The following PAG1 variants were observed in gnomAD, a reference collection of about 807,000 sequenced individuals.
The protein encoded by PAG1 is phosphoprotein membrane anchor with glycosphingolipid microdomains 1, also known as phosphoprotein associated with glycosphingolipid-enriched microdomains 1.
In PAG1, 23 loss-of-function variants were observed where a neutral mutation model predicts 31.7. The ratio of observed to expected loss-of-function variants is 0.73; its 90% CI spans 0.52 to 1.03. The LOEUF is 1.03. Ranked by LOEUF, PAG1 falls within the 50% of genes least tolerant of loss-of-function variation. The pLI, the probability that PAG1 is intolerant of heterozygous loss-of-function variation, is 0.00. For synonymous variants in PAG1, 214 were observed against 210.3 expected (o/e 1.02, Z -0.15); for missense variants, 473 against 540.7 (o/e 0.87, Z 1.24).
intron 2 of PAG1, chr8:81,067,556 G>A (rs1809027790): frequency 6.6e-6 from 1 of 152,212 alleles, no homozygotes; most frequent in African/African-American, 2.4e-5. Flanking sequence ...AAAAAATAAA[G>A]CTAACAGCTT....
At chr8:80,987,907 G>A (rs1807459446) in intron 5 of PAG1, among the ~76,000 whole-genome samples, 1 of 152,158 alleles carries the variant, frequency 6.6e-6, no homozygotes, top group Admixed American at 6.5e-5. Flanking sequence ...AGATTAAGGG[G>A]AGCTACTGTT....
chr8:81,024,504 A>G (rs777643395), intron 3 of PAG1, among the ~76,000 whole-genome samples: 28 of 152,336 alleles, frequency 1.8e-4, no homozygotes, highest in Non-Finnish European at 3.4e-4. Flanking sequence ...GGTTCCGTAA[A>G]TGAGGATGAT....
At chr8:81,040,951 A>C (rs934313671) in intron 2 of PAG1, 1 of 152,240 alleles carries the variant, frequency 6.6e-6, no homozygotes, top group African/African-American at 2.4e-5. Context: ...CTTGTACAAA[A>C]GCACGATGTC....
chr8:81,081,390 C>T (rs1220798764), intron 1 of PAG1, among the ~76,000 whole-genome samples: 1 of 152,104 alleles, frequency 6.6e-6, no homozygotes, highest in Non-Finnish European at 1.5e-5. Context: ...TATAGATTCA[C>T]AAGCAGTTAC....
intron 3 of PAG1, among the ~76,000 whole-genome samples, chr8:81,003,037 C>A (rs185506154): frequency 6.6e-6 from 1 of 152,074 alleles, no homozygotes; most frequent in Non-Finnish European, 1.5e-5. Flanking sequence ...TGGAACTTCC[C>A]CAAGGGTGGT....
chr8:81,009,802 A>G (rs1367075809), intron 3 of PAG1, among the ~76,000 whole-genome samples: 4 of 152,150 alleles, frequency 2.6e-5, no homozygotes, highest in African/African-American at 9.7e-5. Context: ...TATTGTTGAG[A>G]TGGAATTTAG....
intron 3 of PAG1, among the ~76,000 whole-genome samples, chr8:81,008,891 T>C (rs1807932254): frequency 6.6e-6 from 1 of 152,170 alleles, no homozygotes. Flanking sequence ...TAAGAAATTA[T>C]CTTGATTTAT....
intron 1 of PAG1, among the ~76,000 whole-genome samples, chr8:81,095,914 A>C (rs1809521645): frequency 6.6e-6 from 1 of 152,252 alleles, no homozygotes; most frequent in South Asian, 2.1e-4. Flanking sequence ...GTGCTCAGGG[A>C]AAATGAATGA....
chr8:81,087,082 T>C (rs980648564), intron 1 of PAG1, among the ~76,000 whole-genome samples: 2 of 152,160 alleles, frequency 1.3e-5, no homozygotes, highest in African/African-American at 4.8e-5. Flanking sequence ...TGGTGGCTCA[T>C]GCCGGTAATC....
intron 3 of PAG1, among the ~76,000 whole-genome samples, chr8:80,997,747 T>C (rs1420364903): frequency 4.7e-5 from 7 of 149,660 alleles, no homozygotes; most frequent in Admixed American, 4.6e-4. Flanking sequence ...CAGATTTAGA[T>C]TAATAGTTGT....
At chr8:81,043,962 T>C (rs2623024) in intron 2 of PAG1, among the ~76,000 whole-genome samples, 36,534 of 152,044 alleles carry the variant, frequency 0.24, 4,439 homozygotes, top group Middle Eastern at 0.3. Context: ...CAGATTTCTT[T>C]TTCTTCTTCT....
intron 3 of PAG1, among the ~76,000 whole-genome samples, chr8:80,998,895 G>T (rs1563623608): frequency 6.6e-6 from 1 of 152,180 alleles, no homozygotes; most frequent in African/African-American, 2.4e-5. Context: ...GATGAAATAT[G>T]GTCAAGGGCC....
At chr8:81,000,015 C>T (rs779534372) in intron 3 of PAG1, among the ~76,000 whole-genome samples, 8 of 152,102 alleles carry the variant, frequency 5.3e-5, no homozygotes, top group African/African-American at 7.2e-5. Context: ...TGGGCTAATG[C>T]GGTACGTTCT....
At chr8:81,099,814 G>A (rs1458719768) in intron 1 of PAG1, among the ~76,000 whole-genome samples, 3 of 152,160 alleles carry the variant, frequency 2.0e-5, no homozygotes, top group Non-Finnish European at 1.5e-5. Context: ...AGCTCTGTAC[G>A]TTTACTAAAA....
intron 2 of PAG1, among the ~76,000 whole-genome samples, chr8:81,036,654 G>A (rs573308591): frequency 3.3e-5 from 5 of 152,228 alleles, no homozygotes; most frequent in Admixed American, 2.0e-4. Context: ...AACTAACAAC[G>A]CTTCTGCCTC....
intron 1 of PAG1, among the ~76,000 whole-genome samples, chr8:81,096,756 T>C (rs1240008578): frequency 6.6e-6 from 1 of 152,038 alleles, no homozygotes; most frequent in Non-Finnish European, 1.5e-5. Context: ...GGATGCCCAG[T>C]TAAGAAAGGA....
intron 1 of PAG1, among the ~76,000 whole-genome samples, chr8:81,097,151 C>A (rs1809541224): frequency 6.6e-6 from 1 of 152,162 alleles, no homozygotes; most frequent in Admixed American, 6.5e-5. Flanking sequence ...AAGGTTGGGG[C>A]CCCACCCCCA....
Position 80,976,832 on chromosome 8 carries a change from C to T in PAG1, c.1011G>A (p.Pro337=), listed in dbSNP as rs151123399. 1.1e-5 allele frequency: 18 copies of T among 1,613,522 alleles called. No homozygotes were observed. The highest frequency in any genetic ancestry group is 8.9e-5 in the East Asian group (4 of 44,892). ...VNKSGQSLTV[P]ESTYTSIQGD... ...CTTGAATGGAGGTGTAGGTGGACTC[C>T]GGAACTGTAAGCGACTGCCCCGATT... The change falls in exon 9 of 9, where the codon CCG becomes CCA. Residue 337 remains proline (P), a synonymous_variant. Coordinates refer to ENST00000220597, the MANE Select transcript of PAG1 (RefSeq NM_018440.4).
intron 3 of PAG1, among the ~76,000 whole-genome samples, chr8:81,015,791 C>T (rs1318033717): frequency 6.6e-6 from 1 of 152,140 alleles, no homozygotes; most frequent in African/African-American, 2.4e-5. Context: ...TCTTCCCCTC[C>T]CTGTATCCTC....
Sources: allele counts gnomAD v4.1 joint callset (sites outside exome capture counted in the v4.1 genomes callset), GRCh38; gene constraint gnomAD v4.1.1; transcripts MANE v1.5; gene names NCBI Gene and HGNC (gene_info 2026-07-23, HGNC 2026-07-21).